The following PRKG1 variants were observed in gnomAD, a reference collection of about 807,000 sequenced individuals.
PRKG1 encodes the protein cGMP-dependent protein kinase 1.
PRKG1 carries 35 observed loss-of-function variants against 88.1 expected under a neutral mutation model. The observed-to-expected ratio is 0.40, with a 90% CI of 0.30 to 0.53. The LOEUF (loss-of-function observed/expected upper bound fraction) is 0.53. Ranked by LOEUF, PRKG1 falls within the 20% of genes least tolerant of loss-of-function variation. PRKG1 has a pLI of 0.59. For synonymous variants in PRKG1, 303 were observed against 292.5 expected, an observed-to-expected ratio of 1.04 and a Z score of -0.37; for missense variants, 540 against 839.8, an observed-to-expected ratio of 0.64 and a Z score of 4.41.
chr10:52,273,097 G>A (rs1256167335), intron 12 of PRKG1, among the ~76,000 whole-genome samples: 1 of 151,990 alleles, frequency 6.6e-6, no homozygotes, highest in Non-Finnish European at 1.5e-5. Flanking sequence ...AGGAAAGTTT[G>A]TCTACATGGT....
At chr10:51,577,441 A>G (rs1296462199) in intron 3 of PRKG1, among the ~76,000 whole-genome samples, 2 of 152,046 alleles carry the variant, frequency 1.3e-5, no homozygotes, top group East Asian at 3.9e-4. Context: ...TAGTCTTCTT[A>G]CAATTATGTG....
At chr10:51,736,564 CAT>C (rs1219288228) in intron 3 of PRKG1, among the ~76,000 whole-genome samples, 1 of 151,574 alleles carries the variant, frequency 6.6e-6, no homozygotes, top group African/African-American at 2.4e-5. Flanking sequence ...TTCTTTATCA[CAT>C]AGTTATCCAT....
intron 7 of PRKG1, among the ~76,000 whole-genome samples, chr10:52,084,258 A>C (rs886561228): frequency 6.6e-6 from 1 of 152,024 alleles, no homozygotes; most frequent in Non-Finnish European, 1.5e-5. Context: ...TACACAACAC[A>C]ATGAAACAAA....
At chr10:52,040,841 T>C (rs1845738498) in intron 5 of PRKG1, among the ~76,000 whole-genome samples, 1 of 143,760 alleles carries the variant, frequency 7.0e-6, no homozygotes, top group African/African-American at 2.6e-5. Context: ...TCTTTTTTTT[T>C]TTTTTTTTTT....
intron 3 of PRKG1, among the ~76,000 whole-genome samples, chr10:51,666,415 C>T (rs1840424042): frequency 6.6e-6 from 1 of 152,170 alleles, no homozygotes; most frequent in Non-Finnish European, 1.5e-5. Context: ...TTGTAAGATT[C>T]TCTAGTGGTT....
chr10:52,168,687 G>C (rs985053799), intron 9 of PRKG1, among the ~76,000 whole-genome samples: 1 of 151,714 alleles, frequency 6.6e-6, no homozygotes, highest in Admixed American at 6.6e-5. Context: ...GACAGGAATA[G>C]AGTGAGGACA....
intron 2 of PRKG1, among the ~76,000 whole-genome samples, chr10:51,364,598 G>A (rs998527102): frequency 4.0e-5 from 6 of 151,678 alleles, no homozygotes; most frequent in African/African-American, 1.5e-4. Context: ...AAAATAAGAG[G>A]GAAAAACCTA....
chr10:51,109,918 G>A (rs1031164430), intron 1 of PRKG1, among the ~76,000 whole-genome samples: 1 of 152,024 alleles, frequency 6.6e-6, no homozygotes, highest in Non-Finnish European at 1.5e-5. Context: ...ATTGGCAAAT[G>A]TTTAAACAGA....
In PRKG1 at chr10:51,820,315, T is replaced by G. The variant is rs141941961; in HGVS notation, c.698+15625T>G. On this transcript the variant is annotated intron_variant, in intron 4 of 17. Coordinates refer to ENST00000373980, the MANE Select transcript of PRKG1 (RefSeq NM_006258.4). ...TTTTCCAAACTCTTCTTTGTTTTCT[T>G]ATGCCGCCACCATCTACTTCTTTTT... Among the ~76,000 whole-genome samples, 349 of 152,328 alleles carry G rather than the reference T, an allele frequency of 2.3e-3. 2 individuals carry two copies. The highest frequency in any genetic ancestry group is 7.9e-3 in the African/African-American group (327 of 41,580).
intron 5 of PRKG1, among the ~76,000 whole-genome samples, chr10:52,024,634 C>G (rs2133198416): frequency 6.6e-6 from 1 of 152,218 alleles, no homozygotes; most frequent in South Asian, 2.1e-4. Flanking sequence ...CCAGCTTCAT[C>G]CATGTCCCTA....
intron 3 of PRKG1, among the ~76,000 whole-genome samples, chr10:51,537,921 C>T (rs1282276053): frequency 1.3e-5 from 2 of 152,098 alleles, no homozygotes; most frequent in Non-Finnish European, 2.9e-5. Flanking sequence ...CCATGAGTGT[C>T]TCACATCCAA....
chr10:51,126,477 A>G (rs919162841), intron 1 of PRKG1, among the ~76,000 whole-genome samples: 2 of 143,526 alleles, frequency 1.4e-5, no homozygotes, highest in Non-Finnish European at 3.0e-5. Context: ...ATAATTATAT[A>G]ATCTATTTAT....
intron 3 of PRKG1, among the ~76,000 whole-genome samples, chr10:51,481,355 C>G (rs999521334): frequency 2.0e-5 from 3 of 152,096 alleles, no homozygotes; most frequent in Non-Finnish European, 4.4e-5. Context: ...TAAAGCAATT[C>G]TCGTGCCTCA....
chr10:52,062,845 T>A, intron 7 of PRKG1: 1 of 713,436 alleles, frequency 1.4e-6, no homozygotes, highest in Middle Eastern at 2.3e-4. Flanking sequence ...TTCTAATAAA[T>A]CAGTGTTATA....
At chr10:51,664,479 C>T (rs1840375119) in intron 3 of PRKG1, among the ~76,000 whole-genome samples, 1 of 152,144 alleles carries the variant, frequency 6.6e-6, no homozygotes, top group Admixed American at 6.6e-5. Context: ...TACTCAAGAA[C>T]ATAAGTCTCT....
intron 7 of PRKG1, chr10:52,081,611 C>T (rs573887523): frequency 2.2e-6 from 1 of 456,584 alleles, no homozygotes; most frequent in African/African-American, 2.0e-5. Flanking sequence ...TTGGGAAATA[C>T]TGATGGAGAA....
At chr10:51,247,453 A>G (rs746147871) in intron 2 of PRKG1, among the ~76,000 whole-genome samples, 28 of 152,164 alleles carry the variant, frequency 1.8e-4, no homozygotes, top group Middle Eastern at 3.4e-3. Context: ...AGGAGAAGGA[A>G]ATATTCAAGG....
intron 3 of PRKG1, among the ~76,000 whole-genome samples, chr10:51,471,227 C>T (rs1051940511): frequency 1.3e-5 from 2 of 151,934 alleles, no homozygotes; most frequent in African/African-American, 4.8e-5. Flanking sequence ...TCTTTCCAAT[C>T]ACAAACATTC....
chr10:50,991,057 A>C lies in PRKG1; in HGVS notation c.-322A>C. ...CGAGGGAGGGGGTCTCAGGGGAGGA[A>C]GGGCAGCTCTAATTGGTTTCTCAAT... On this transcript the variant is annotated 5_prime_UTR_variant, in exon 1 of 18. Coordinates refer to the PRKG1 transcript ENST00000401604. The surrounding 1 kb of genome is among the most constrained non-coding windows in gnomAD (Gnocchi z 4.5). 4 of 244,510 alleles carry C rather than the reference A, an allele frequency of 1.6e-5. No individual in the cohort carries two copies. Among genetic ancestry groups the C allele is most frequent in the Non-Finnish European group, 1.6e-5 (2 of 127,640 alleles). The allele number at this position is 244,510 out of a possible 1,614,324, so 15.1% of individuals were successfully genotyped here.
Sources: allele counts gnomAD v4.1 joint callset (sites outside exome capture counted in the v4.1 genomes callset), GRCh38; gene constraint gnomAD v4.1.1; non-coding constraint Gnocchi (gnomAD v3.1); transcripts MANE v1.5; gene names NCBI Gene and HGNC (gene_info 2026-07-23, HGNC 2026-07-21).